The following KANSL1L variants were observed in gnomAD, a reference collection of about 807,000 sequenced individuals.
KANSL1L encodes KAT8 regulatory NSL complex subunit 1-like protein.
Under a neutral mutation model 108.6 loss-of-function variants are expected in KANSL1L, and 25 were observed. The observed-to-expected ratio is 0.23, with a 90% CI of 0.17 to 0.32. KANSL1L has a LOEUF of 0.32. Ranked by LOEUF, KANSL1L falls within the 10% of genes least tolerant of loss-of-function variation. KANSL1L has a pLI of 1.00. For synonymous variants in KANSL1L, 405 were observed against 395.1 expected (o/e 1.03, Z -0.30); for missense variants, 1,137 against 1,125.7 (o/e 1.01, Z -0.14).
At chr2:210,036,423 C>G (rs1222466659) in intron 8 of KANSL1L, among the ~76,000 whole-genome samples, 2 of 152,056 alleles carry the variant, frequency 1.3e-5, no homozygotes, top group Non-Finnish European at 1.5e-5. Flanking sequence ...CTCAAGCGAT[C>G]CCCCTACCTC....
rs989739630 is a variant in KANSL1L, at chr2:210,022,833, A to G, written c.*116T>C. 9.6e-6 allele frequency: 7 copies of G among 727,632 alleles called. No homozygotes were observed. Among genetic ancestry groups the G allele is most frequent in the Middle Eastern group, 3.8e-4 (1 of 2,652 alleles). 45.1% of individuals were successfully genotyped at this position (727,632 alleles called of 1,614,324 possible). A position where few individuals can be genotyped will look rare whatever the true frequency, so the allele number is the denominator to read the frequency against. On this transcript the variant is annotated 3_prime_UTR_variant, in exon 15 of 15. Coordinates refer to ENST00000281772, the MANE Select transcript of KANSL1L (RefSeq NM_152519.4). ...TCTTGCCTGTTTCATAAACAGCATA[A>G]AAGATTAATACATGCAGAACATGCT...
chr2:210,077,681 T>C (rs574913880), intron 5 of KANSL1L, among the ~76,000 whole-genome samples: 1 of 152,160 alleles, frequency 6.6e-6, no homozygotes, highest in East Asian at 1.9e-4. Context: ...TTAAAAGACA[T>C]TGCTCAAGGA....
chr2:210,162,000 G>A (rs1250395661), intron 1 of KANSL1L, among the ~76,000 whole-genome samples: 1 of 150,610 alleles, frequency 6.6e-6, no homozygotes, highest in African/African-American at 2.4e-5. Context: ...CAAGGCGGGA[G>A]GATCACTTGA....
intron 5 of KANSL1L, 176 bp downstream of exon 5, chr2:210,097,910 T>G (rs1418917621): frequency 2.6e-5 from 10 of 384,622 alleles, no homozygotes; most frequent in Non-Finnish European, 4.7e-5. Context: ...ATCATTACCT[T>G]AATTGTGTAA....
At chr2:210,049,892 T>C (rs1012882883) in intron 6 of KANSL1L, among the ~76,000 whole-genome samples, 8 of 152,214 alleles carry the variant, frequency 5.3e-5, no homozygotes, top group East Asian at 3.9e-4. Context: ...ACTTGGACAA[T>C]AGGCAGCACA....
intron 4 of KANSL1L, among the ~76,000 whole-genome samples, chr2:210,098,871 A>G (rs1374607738): frequency 1.3e-5 from 2 of 151,036 alleles, no homozygotes; most frequent in Non-Finnish European, 3.0e-5. Flanking sequence ...AGACTTAAAT[A>G]TATGTAATAA....
chr2:210,153,927 T>C lies in KANSL1L; in HGVS notation c.656A>G (p.Glu219Gly), dbSNP rs2095318826. Residue 219 changes from glutamate (E) to glycine (G), a missense_variant, in exon 2 of 15, where the codon GAA becomes GGA. By Grantham distance (98) the Glu-to-Gly change is moderately conservative. Coordinates refer to ENST00000281772, the MANE Select transcript of KANSL1L (RefSeq NM_152519.4). ...ACAATGAAGTAAACGAGCATGTACT[T>C]CCTCCTCTTTTTCAGCAGCTGAAGA... ...VSSSAAEKEE[E>G]VHARLLHCVS... 6.2e-7 allele frequency: 1 copy of C among 1,613,486 alleles called. No homozygotes were observed. Among genetic ancestry groups the C allele is most frequent in the Non-Finnish European group, 8.5e-7 (1 of 1,179,972 alleles).
chr2:210,086,582 A>G (rs1282034899), intron 5 of KANSL1L, among the ~76,000 whole-genome samples: 1 of 152,094 alleles, frequency 6.6e-6, no homozygotes, highest in African/African-American at 2.4e-5. Flanking sequence ...CAAGTGTGCA[A>G]ACATGCCCTG....
chr2:210,065,098 A>G (rs567188552), intron 6 of KANSL1L, among the ~76,000 whole-genome samples: 167 of 151,758 alleles, frequency 1.1e-3, no homozygotes, highest in African/African-American at 3.9e-3. Flanking sequence ...GTTCGAGACC[A>G]GCATGGCCAA....
At chr2:210,109,031 C>G (rs1258329614) in intron 3 of KANSL1L, among the ~76,000 whole-genome samples, 1 of 152,018 alleles carries the variant, frequency 6.6e-6, no homozygotes, top group African/African-American at 2.4e-5. Context: ...ACGCCTTTTT[C>G]TAGTTCCATT....
At chr2:210,129,294 C>A (rs2095098174) in intron 2 of KANSL1L, 122 bp from the exon 3 acceptor site, 7 of 746,910 alleles carry the variant, frequency 9.4e-6, no homozygotes, top group South Asian at 5.0e-5. Flanking sequence ...CATGTAATTA[C>A]AGGAAGAGAG....
chr2:210,108,528 A>T (rs915592438), intron 3 of KANSL1L, among the ~76,000 whole-genome samples: 7 of 152,206 alleles, frequency 4.6e-5, no homozygotes, highest in African/African-American at 1.7e-4. Flanking sequence ...TTGAAATATA[A>T]ATCTTATTCA....
intron 1 of KANSL1L, among the ~76,000 whole-genome samples, chr2:210,165,133 T>C (rs2125684403): frequency 6.6e-6 from 1 of 151,418 alleles, no homozygotes; most frequent in African/African-American, 2.4e-5. Flanking sequence ...GGCATACTTT[T>C]ACGTTTTTAC....
At chr2:210,123,764 G>C (rs1477703880) in intron 3 of KANSL1L, among the ~76,000 whole-genome samples, 1 of 151,676 alleles carries the variant, frequency 6.6e-6, no homozygotes, top group Non-Finnish European at 1.5e-5. Context: ...TTGTATTCCT[G>C]TGTCAAAATA....
At position 210,064,837 on chromosome 2, in the gene KANSL1L, AAC is replaced by A. The variant is rs1306700954; in HGVS notation, c.1755+10713_1755+10714del. ...CCCACCAAAAAAAAAAAAAAAAAAA[AAC>A]ACAGGAAAAAAAATTAGTGTAACAC... On this transcript the variant is annotated intron_variant, in intron 6 of 14. Coordinates refer to ENST00000281772, the MANE Select transcript of KANSL1L (RefSeq NM_152519.4). Among the ~76,000 whole-genome samples, 29 of 150,506 alleles carry A rather than the reference AAC, an allele frequency of 1.9e-4. 1 individual carries two copies. In the East Asian group the frequency reaches 5.5e-3, roughly 28 times the overall value.
chr2:210,099,253 G>T (rs936253920), intron 4 of KANSL1L, among the ~76,000 whole-genome samples: 37 of 152,012 alleles, frequency 2.4e-4, no homozygotes, highest in Non-Finnish European at 1.9e-4. Flanking sequence ...AATATAGTGT[G>T]ACCAACTTTT....
At chr2:210,132,584 T>G (rs2095132125) in intron 2 of KANSL1L, among the ~76,000 whole-genome samples, 1 of 152,220 alleles carries the variant, frequency 6.6e-6, no homozygotes, top group African/African-American at 2.4e-5. Context: ...TACAAGCTGT[T>G]TAAACTTAAG....
At chr2:210,143,865 G>C (rs1309703539) in intron 2 of KANSL1L, among the ~76,000 whole-genome samples, 3 of 152,100 alleles carry the variant, frequency 2.0e-5, no homozygotes, top group Non-Finnish European at 2.9e-5. Context: ...ATAAAAACAA[G>C]TGATTTATAC....
At chr2:210,105,592 T>TAG (rs1162734033) in intron 3 of KANSL1L, among the ~76,000 whole-genome samples, 7 of 151,698 alleles carry the variant, frequency 4.6e-5, no homozygotes, top group Non-Finnish European at 8.8e-5. Flanking sequence ...AAATTGCCTA[T>TAG]AGATAATAAT....
Sources: allele counts gnomAD v4.1 joint callset (sites outside exome capture counted in the v4.1 genomes callset), GRCh38; gene constraint gnomAD v4.1.1; transcripts MANE v1.5; gene names NCBI Gene and HGNC (gene_info 2026-07-23, HGNC 2026-07-21).